Variants in PKIA observed in about 807,000 individuals in gnomAD.
PKIA encodes cAMP-dependent protein kinase inhibitor alpha.
In PKIA, 4 loss-of-function variants were observed where a neutral mutation model predicts 7.6. The observed-to-expected ratio is 0.52, with a 90% CI of 0.26 to 1.20. PKIA has a LOEUF of 1.20. Among genes scored for constraint, PKIA ranks in the 50% most tolerant of loss-of-function variants. PKIA has a pLI of 0.13. For synonymous variants in PKIA, 21 were observed against 30.7 expected, an observed-to-expected ratio of 0.68 and a Z score of 1.04; for missense variants, 73 against 86.2, an observed-to-expected ratio of 0.85 and a Z score of 0.61.
chr8:78,532,330 C>T (rs1381018650), intron 1 of PKIA, among the ~76,000 whole-genome samples: 1 of 151,800 alleles, frequency 6.6e-6, no homozygotes, highest in Non-Finnish European at 1.5e-5. Flanking sequence ...AACAAACAAA[C>T]AAACAAATTT....
rs996503513 is a variant in PKIA, at chr8:78,602,322, T to C, written c.*501T>C. Reference sequence around the variant, plus strand: ...GTGTTATTTACACTGTTTTGTATTGTACAATATATATGCTCAGCACTGCCC... The same window carrying C: ...GTGTTATTTACACTGTTTTGTATTGCACAATATATATGCTCAGCACTGCCC... On this transcript the variant is annotated 3_prime_UTR_variant, in exon 4 of 4. Transcript: ENST00000396418. 6.4e-6 allele frequency: 1 copy of C among 156,718 alleles called. No homozygotes were observed. The highest frequency in any genetic ancestry group is 2.4e-5 in the African/African-American group (1 of 41,460). 9.7% of individuals were successfully genotyped at this position (156,718 alleles called of 1,614,324 possible). A position where few individuals can be genotyped will look rare whatever the true frequency, so the allele number is the denominator to read the frequency against.
intron 1 of PKIA, among the ~76,000 whole-genome samples, chr8:78,555,346 T>TA (rs138112338): frequency 0.02 from 2,986 of 148,266 alleles, 80 homozygotes; most frequent in African/African-American, 0.066. Context: ...CAGACTGAGG[T>TA]AAAAAAAAAA....
intron 1 of PKIA, among the ~76,000 whole-genome samples, chr8:78,551,023 T>G (rs76086099): frequency 0.036 from 5,521 of 152,154 alleles, 152 homozygotes; most frequent in South Asian, 0.07. Context: ...ACTATGAAGT[T>G]TATGAGGGCA....
intron 2 of PKIA, among the ~76,000 whole-genome samples, chr8:78,596,979 A>T (rs770235029): frequency 6.6e-6 from 1 of 152,168 alleles, no homozygotes. Context: ...TTTGTTGAAG[A>T]TCAGATAGCT....
intron 1 of PKIA, among the ~76,000 whole-genome samples, chr8:78,557,634 C>T (rs1007852863): frequency 1.3e-5 from 2 of 152,068 alleles, no homozygotes; most frequent in African/African-American, 4.8e-5. Context: ...TTTATGTTCT[C>T]TTAATATTCA....
intron 1 of PKIA, among the ~76,000 whole-genome samples, chr8:78,563,729 G>GA (rs971254804): frequency 1.8e-4 from 27 of 151,856 alleles, no homozygotes; most frequent in Non-Finnish European, 3.5e-4. Flanking sequence ...ATGAGGTGTG[G>GA]AAAAAAAATC....
chr8:78,555,592 T>A (rs1041289560), intron 1 of PKIA, among the ~76,000 whole-genome samples: 1 of 151,968 alleles, frequency 6.6e-6, no homozygotes, highest in Non-Finnish European at 1.5e-5. Flanking sequence ...ACAATGTAGG[T>A]CTATTGAAGA....
chr8:78,551,122 T>A (rs1806973207), intron 1 of PKIA, among the ~76,000 whole-genome samples: 1 of 152,090 alleles, frequency 6.6e-6, no homozygotes, highest in South Asian at 2.1e-4. Context: ...ATTTTAAAGA[T>A]TTCAGAGAAT....
At chr8:78,599,462 G>A (rs1808304939) in intron 3 of PKIA, among the ~76,000 whole-genome samples, 1 of 152,016 alleles carries the variant, frequency 6.6e-6, no homozygotes, top group Non-Finnish European at 1.5e-5. Context: ...TGTATATATA[G>A]ATTAATGAAA....
chr8:78,523,832 G>A, intron 1 of PKIA, among the ~76,000 whole-genome samples: 1 of 146,484 alleles, frequency 6.8e-6, no homozygotes, highest in Middle Eastern at 3.6e-3. Context: ...AGTAACTATG[G>A]TAATATATTA....
chr8:78,581,729 C>G (rs115347949), intron 2 of PKIA, among the ~76,000 whole-genome samples: 5 of 152,018 alleles, frequency 3.3e-5, no homozygotes, highest in Admixed American at 6.6e-5. Flanking sequence ...GAAACTAAGA[C>G]AGGACAACTC....
chr8:78,536,759 C>T (rs1312549751), intron 1 of PKIA, among the ~76,000 whole-genome samples: 1 of 151,882 alleles, frequency 6.6e-6, no homozygotes, highest in Admixed American at 6.6e-5. Context: ...ATTTGTGTAT[C>T]TTGCTACTGC....
intron 1 of PKIA, chr8:78,535,173 A>G (rs139478335): frequency 7.7e-4 from 117 of 152,272 alleles, no homozygotes; most frequent in African/African-American, 2.8e-3. Flanking sequence ...CTATCAAGTG[A>G]AAGACTGGAG....
At chr8:78,598,602 TA>T in intron 3 of PKIA, 67 bp downstream of exon 3, 1 of 1,289,230 alleles carries the variant, frequency 7.8e-7, no homozygotes, top group Non-Finnish European at 1.1e-6. Flanking sequence ...TAAGAGGGAT[TA>T]AGGCACGAAA....
chr8:78,567,455 A>G (rs746335241), intron 1 of PKIA, among the ~76,000 whole-genome samples: 1 of 152,100 alleles, frequency 6.6e-6, no homozygotes, highest in African/African-American at 2.4e-5. Context: ...CCCCACTGCT[A>G]AAATGTGTCT....
At chr8:78,571,242 G>A (rs1340181937) in intron 1 of PKIA, among the ~76,000 whole-genome samples, 1 of 151,310 alleles carries the variant, frequency 6.6e-6, no homozygotes, top group Non-Finnish European at 1.5e-5. Context: ...AGAGGACATT[G>A]TTATCAATGC....
chr8:78,580,399 C>T (rs766294724), intron 2 of PKIA, among the ~76,000 whole-genome samples: 2 of 152,042 alleles, frequency 1.3e-5, no homozygotes, highest in Non-Finnish European at 2.9e-5. Context: ...TCATCCTCTT[C>T]CTTGTCCTTT....
chr8:78,554,626 C>CA (rs34441545), intron 1 of PKIA, among the ~76,000 whole-genome samples: 1,657 of 152,020 alleles, frequency 0.011, 18 homozygotes, highest in South Asian at 0.029. Flanking sequence ...CTGAGGATTG[C>CA]AGATGATACT....
intron 1 of PKIA, among the ~76,000 whole-genome samples, chr8:78,543,587 G>A (rs550687129): frequency 1.3e-5 from 2 of 152,162 alleles, no homozygotes; most frequent in African/African-American, 4.8e-5. Context: ...GTGAAATAAT[G>A]CAACATCCTT....
Sources: allele counts gnomAD v4.1 joint callset (sites outside exome capture counted in the v4.1 genomes callset), GRCh38; gene constraint gnomAD v4.1.1; transcripts MANE v1.5; gene names NCBI Gene and HGNC (gene_info 2026-07-23, HGNC 2026-07-21).